Variants in TXLNG observed in about 807,000 individuals in gnomAD.
TXLNG encodes the protein taxilin gamma, also known as gamma-taxilin.
Under a neutral mutation model 38.8 loss-of-function variants are expected in TXLNG, and 5 were observed. That is an observed-to-expected ratio of 0.13 (90% CI 0.07 to 0.27). The LOEUF (loss-of-function observed/expected upper bound fraction) is 0.27. Ranked by LOEUF, TXLNG falls within the 10% of genes least tolerant of loss-of-function variation. The pLI, the probability that TXLNG is intolerant of heterozygous loss-of-function variation, is 1.00. For missense variants in TXLNG, 393 were observed against 398.2 expected (o/e 0.99, Z 0.11); for synonymous variants, 182 against 158.2 (o/e 1.15, Z -1.13).
At chrX:16,810,081 T>C (rs1379283854) in intron 1 of TXLNG, among the ~76,000 whole-genome samples, 1 of 112,067 alleles carries the variant, frequency 8.9e-6, no homozygotes, top group African/African-American at 3.2e-5. Flanking sequence ...TAACTTTACA[T>C]GCCATAGTTT....
chrX:16,802,951 A>G (rs983390967), intron 1 of TXLNG, among the ~76,000 whole-genome samples: 1 of 106,872 alleles, frequency 9.4e-6, no homozygotes, highest in Non-Finnish European at 1.9e-5. Context: ...TCCCGAGTAG[A>G]TGGGATTACA....
intron 1 of TXLNG, among the ~76,000 whole-genome samples, chrX:16,795,590 C>A (rs774370706): frequency 9.0e-6 from 1 of 111,635 alleles, no homozygotes; most frequent in African/African-American, 3.2e-5. Flanking sequence ...CATTTACCTA[C>A]TAATGGTTCT....
intron 1 of TXLNG, among the ~76,000 whole-genome samples, chrX:16,817,101 C>T (rs992099476): frequency 2.7e-5 from 3 of 112,283 alleles, no homozygotes; most frequent in African/African-American, 9.7e-5. Context: ...CTGTGAAACT[C>T]ATCTATGTGG....
At chrX:16,797,488 A>C (rs1427954370) in intron 1 of TXLNG, among the ~76,000 whole-genome samples, 2 of 111,741 alleles carry the variant, frequency 1.8e-5, no homozygotes, top group African/African-American at 3.2e-5. Flanking sequence ...TCCACTTCCC[A>C]GCTCACTCTT....
intron 5 of TXLNG, among the ~76,000 whole-genome samples, chrX:16,831,747 CTTATG>C (rs764532371): frequency 1.3e-4 from 15 of 111,789 alleles, no homozygotes; most frequent in Admixed American, 4.7e-4. Context: ...TTGTATGTGT[CTTATG>C]TTATGTTCTT....
chrX:16,788,077 G>A (rs781726333), intron 1 of TXLNG, among the ~76,000 whole-genome samples: 1 of 112,360 alleles, frequency 8.9e-6, no homozygotes, highest in Admixed American at 9.5e-5. Flanking sequence ...CCAATGTCCT[G>A]TAAGGGATTC....
intron 1 of TXLNG, 84 bp downstream of exon 1, chrX:16,786,673 C>G: frequency 5.1e-6 from 3 of 592,535 alleles, no homozygotes; most frequent in Non-Finnish European, 6.6e-6. Context: ...TTCTCTCTCC[C>G]TGGTTACCTA....
At chrX:16,823,527 TTTCCCAAGGATTA>T (rs1199616914) in intron 3 of TXLNG, among the ~76,000 whole-genome samples, 3 of 110,090 alleles carry the variant, frequency 2.7e-5, no homozygotes, top group Non-Finnish European at 5.7e-5. Context: ...GTCACAGCCT[TTTCCCAAGGATTA>T]TTCTGAAAAG....
intron 1 of TXLNG, among the ~76,000 whole-genome samples, chrX:16,812,009 C>CTT (rs1182502888): frequency 2.0e-5 from 2 of 100,796 alleles, no homozygotes; most frequent in African/African-American, 3.6e-5. Context: ...TTTTTTCTTT[C>CTT]TTTTTTTTTT....
At chrX:16,809,348 T>G (rs1338300899) in intron 1 of TXLNG, among the ~76,000 whole-genome samples, 3 of 100,817 alleles carry the variant, frequency 3.0e-5, no homozygotes, top group Non-Finnish European at 4.1e-5. Flanking sequence ...TATAGTTGTT[T>G]TTTTTTTTTT....
intron 1 of TXLNG, among the ~76,000 whole-genome samples, chrX:16,809,925 G>C (rs887527128): frequency 1.8e-5 from 2 of 112,035 alleles, no homozygotes; most frequent in Admixed American, 9.6e-5. Context: ...GGCTGGGCCA[G>C]GAGAAGGATG....
At chrX:16,804,803 G>A (rs375556297) in intron 1 of TXLNG, among the ~76,000 whole-genome samples, 31 of 108,565 alleles carry the variant, frequency 2.9e-4, no homozygotes, top group Non-Finnish European at 2.5e-4. Context: ...ATTATGTAGC[G>A]GTGAAATCTG....
Position 16,818,727 on chromosome X carries a change from A to C in TXLNG, c.256A>C (p.Ser86Arg). ...GCATTCATTGGAAGAGGATGAAGGC[A>C]GTGACTTTATAACAGAGAACAGGAA... is the stretch of plus-strand genomic sequence containing the variant. The part of the protein sequence containing the change: ...NKHSLEEDEG[S>R]DFITENRNLV... Residue 86 changes from serine (S) to arginine (R), a missense_variant, in exon 2 of 10, where the codon AGT (serine) becomes CGT (arginine). By Grantham distance (110) the Ser-to-Arg change is moderately radical. Transcript: ENST00000380122. 1 of 1,212,168 alleles carries C rather than the reference A, an allele frequency of 8.2e-7. No individual in the cohort carries two copies. Among genetic ancestry groups the C allele is most frequent in the Non-Finnish European group, 1.1e-6 (1 of 895,671 alleles).
At chrX:16,792,158 A>C (rs752801734) in intron 1 of TXLNG, among the ~76,000 whole-genome samples, 8 of 112,123 alleles carry the variant, frequency 7.1e-5, no homozygotes, top group Non-Finnish European at 1.1e-4. Flanking sequence ...AATGCATTCT[A>C]ATATCTCCTT....
At chrX:16,797,530 G>A (rs1346632078) in intron 1 of TXLNG, among the ~76,000 whole-genome samples, 1 of 112,144 alleles carries the variant, frequency 8.9e-6, no homozygotes, top group African/African-American at 3.2e-5. Flanking sequence ...TTCCTCGTGG[G>A]CTGTTGGACT....
chrX:16,806,772 C>T (rs1157456277), intron 1 of TXLNG, among the ~76,000 whole-genome samples: 2 of 110,478 alleles, frequency 1.8e-5, no homozygotes, highest in Non-Finnish European at 3.8e-5. Flanking sequence ...AAAAAATTAG[C>T]TGGATGTGGT....
chrX:16,824,296 C>T (rs747984021), intron 3 of TXLNG, among the ~76,000 whole-genome samples: 40 of 109,756 alleles, frequency 3.6e-4, no homozygotes, highest in Admixed American at 1.7e-3. Flanking sequence ...GCAGTGAGTT[C>T]GTGCCACATG....
intron 1 of TXLNG, among the ~76,000 whole-genome samples, chrX:16,809,697 A>G (rs1487276872): frequency 9.0e-6 from 1 of 111,271 alleles, no homozygotes; most frequent in Non-Finnish European, 1.9e-5. Flanking sequence ...GTGTATGTAC[A>G]TACACACAGA....
intron 5 of TXLNG, among the ~76,000 whole-genome samples, chrX:16,830,310 CTTGGCCA>C (rs1271257431): frequency 1.8e-5 from 2 of 108,509 alleles, no homozygotes; most frequent in Admixed American, 2.0e-4. Context: ...GGCTAATGAA[CTTGGCCA>C]TTGGCCTTCA....
Sources: gnomAD v4.1 joint callset for allele counts (sites outside exome capture counted in the v4.1 genomes callset) on GRCh38, gnomAD v4.1.1 for gene constraint, MANE v1.5 for transcripts, NCBI Gene and HGNC (gene_info 2026-07-23, HGNC 2026-07-21) for gene names.